The following CEP112 variants were observed in gnomAD, a reference collection of about 807,000 sequenced individuals.
The protein encoded by CEP112 is centrosomal protein 112.
A neutral mutation model predicts 153.0 loss-of-function variants in CEP112; 127 were observed. The ratio of observed to expected loss-of-function variants is 0.83; its 90% CI spans 0.72 to 0.96. CEP112 has a LOEUF of 0.96. Ranked by LOEUF, CEP112 falls within the 40% of genes least tolerant of loss-of-function variation. The pLI is 0.00. For synonymous variants in CEP112, 358 were observed against 374.4 expected, an observed-to-expected ratio of 0.96 and a Z score of 0.51; for missense variants, 1,089 against 1,101.2, an observed-to-expected ratio of 0.99 and a Z score of 0.16.
At chr17:65,924,345 A>C (rs1240880390) in intron 19 of CEP112, among the ~76,000 whole-genome samples, 3 of 152,182 alleles carry the variant, frequency 2.0e-5, no homozygotes, top group African/African-American at 7.2e-5. Flanking sequence ...CTCCCGAAAC[A>C]TATGTGAACA....
At chr17:66,113,137 G>A (rs1298806913) in intron 6 of CEP112, among the ~76,000 whole-genome samples, 1 of 145,996 alleles carries the variant, frequency 6.8e-6, no homozygotes, top group African/African-American at 2.6e-5. Flanking sequence ...ACTGCAACTT[G>A]AAAAATAGAG....
intron 21 of CEP112, among the ~76,000 whole-genome samples, chr17:65,830,361 C>T (rs1258760814): frequency 1.3e-5 from 2 of 152,152 alleles, no homozygotes; most frequent in Non-Finnish European, 2.9e-5. Flanking sequence ...ATCATAATGT[C>T]CCTCACACAA....
chr17:66,001,475 T>C (rs2064047706), intron 17 of CEP112, among the ~76,000 whole-genome samples: 2 of 152,202 alleles, frequency 1.3e-5, no homozygotes, highest in South Asian at 4.1e-4. Context: ...CTTGTCCACA[T>C]TAGTGTCAGG....
intron 17 of CEP112, among the ~76,000 whole-genome samples, chr17:65,967,802 C>T (rs2144857824): frequency 6.6e-6 from 1 of 152,160 alleles, no homozygotes; most frequent in East Asian, 1.9e-4. Flanking sequence ...ATAAATAAAA[C>T]AAACTCTAGC....
chr17:65,832,018 G>T (rs1598725857), intron 21 of CEP112, among the ~76,000 whole-genome samples: 1 of 152,270 alleles, frequency 6.6e-6, no homozygotes, highest in East Asian at 1.9e-4. Context: ...AATAAAAATA[G>T]AAGGCAAGAC....
intron 21 of CEP112, among the ~76,000 whole-genome samples, chr17:65,834,705 G>A (rs960472180): frequency 2.0e-5 from 3 of 152,174 alleles, no homozygotes; most frequent in African/African-American, 7.2e-5. Context: ...AACAGATGCT[G>A]GCAAGGGTGT....
At chr17:65,804,027 A>C (rs1385962801) in intron 21 of CEP112, among the ~76,000 whole-genome samples, 1 of 152,204 alleles carries the variant, frequency 6.6e-6, no homozygotes, top group African/African-American at 2.4e-5. Flanking sequence ...ATTTCTTTAG[A>C]ACAGATCCTT....
intron 4 of CEP112, among the ~76,000 whole-genome samples, chr17:66,138,717 GAATC>G (rs1296951914): frequency 2.0e-5 from 3 of 151,622 alleles, no homozygotes; most frequent in Non-Finnish European, 2.9e-5. Context: ...TAAAAAAAAA[GAATC>G]AAAGCAAACC....
intron 23 of CEP112, among the ~76,000 whole-genome samples, chr17:65,692,680 C>T (rs2048168970): frequency 6.6e-6 from 1 of 152,184 alleles, no homozygotes; most frequent in South Asian, 2.1e-4. Flanking sequence ...TTGCCCTAAT[C>T]TATACAAGAG....
At chr17:65,911,866 C>G (rs35744068) in intron 19 of CEP112, among the ~76,000 whole-genome samples, 26,488 of 152,134 alleles carry the variant, frequency 0.17, 2,493 homozygotes, top group Admixed American at 0.28. Context: ...ATAATGCTCA[C>G]CTAAGATTAA....
At chr17:66,043,731 T>G (rs2066082775) in intron 12 of CEP112, among the ~76,000 whole-genome samples, 1 of 152,224 alleles carries the variant, frequency 6.6e-6, no homozygotes, top group Non-Finnish European at 1.5e-5. Flanking sequence ...TGTTTGCATA[T>G]TTTCACTATG....
chr17:65,788,827 G>A (rs937211921), intron 21 of CEP112, among the ~76,000 whole-genome samples: 15 of 151,866 alleles, frequency 9.9e-5, no homozygotes, highest in Admixed American at 2.6e-4. Context: ...CAAACTTTGC[G>A]TTTGCCGAAT....
chr17:65,747,468 G>A (rs1459910515), intron 22 of CEP112, among the ~76,000 whole-genome samples: 1 of 152,156 alleles, frequency 6.6e-6, no homozygotes, highest in Non-Finnish European at 1.5e-5. Context: ...TGGACATTCT[G>A]GCAAAATGGC....
At chr17:65,819,609 G>A (rs1038015769) in intron 21 of CEP112, among the ~76,000 whole-genome samples, 2 of 151,956 alleles carry the variant, frequency 1.3e-5, no homozygotes, top group African/African-American at 4.8e-5. Flanking sequence ...ATCAATGTTT[G>A]CATCACCAAT....
chr17:65,953,616 C>T (rs987824720), intron 18 of CEP112, among the ~76,000 whole-genome samples: 2 of 152,168 alleles, frequency 1.3e-5, no homozygotes, highest in East Asian at 1.9e-4. Flanking sequence ...TGGAAGGACA[C>T]AGTGGGAGTC....
At chr17:66,119,598 G>A (rs553225858) in intron 6 of CEP112, among the ~76,000 whole-genome samples, 93 of 152,206 alleles carry the variant, frequency 6.1e-4, no homozygotes, top group African/African-American at 2.0e-3. Flanking sequence ...TTGTATAGAT[G>A]TACATATAAT....
intron 24 of CEP112, among the ~76,000 whole-genome samples, chr17:65,653,923 G>T (rs1387555393): frequency 1.3e-5 from 2 of 151,800 alleles, no homozygotes; most frequent in Non-Finnish European, 2.9e-5. Context: ...GCCGGGCGTG[G>T]TGGTGCGCAC....
At chr17:65,682,238 C>T (rs531068613) in intron 24 of CEP112, among the ~76,000 whole-genome samples, 18 of 151,566 alleles carry the variant, frequency 1.2e-4, no homozygotes, top group African/African-American at 2.4e-4. Flanking sequence ...GTAATCCACC[C>T]GCCCCGGCTT....
At chr17:66,166,848 G>C (rs971551687) in intron 4 of CEP112, among the ~76,000 whole-genome samples, 1 of 149,108 alleles carries the variant, frequency 6.7e-6, no homozygotes, top group African/African-American at 2.5e-5. Context: ...AGGTTGCAGT[G>C]AGCCGAGATC....
Sources: gnomAD v4.1 joint callset for allele counts (sites outside exome capture counted in the v4.1 genomes callset) on GRCh38, gnomAD v4.1.1 for gene constraint, MANE v1.5 for transcripts, NCBI Gene and HGNC (gene_info 2026-07-23, HGNC 2026-07-21) for gene names.